Variants in BIRC6 observed in about 807,000 individuals in gnomAD.
BIRC6 encodes the protein baculoviral IAP repeat containing 6.
A neutral mutation model predicts 503.3 loss-of-function variants in BIRC6; 98 were observed. The ratio of observed to expected loss-of-function variants is 0.19; its 90% CI spans 0.17 to 0.23. The LOEUF is 0.23. Ranked by LOEUF, BIRC6 falls within the 10% of genes least tolerant of loss-of-function variation. BIRC6 has a pLI of 1.00. For missense variants in BIRC6, 5,360 were observed against 5,806.0 expected (o/e 0.92, Z 2.50); for synonymous variants, 2,240 against 2,078.7 (o/e 1.08, Z -2.11).
At position 32,471,792 on chromosome 2, in the gene BIRC6, T is replaced by G. The variant is rs543973945; in HGVS notation, c.6592+668T>G. Among the ~76,000 whole-genome samples, 34 of 152,292 alleles carry G rather than the reference T, an allele frequency of 2.2e-4. No homozygotes were observed. The South Asian group carries it at 6.6e-3, about 30-fold the overall frequency. On this transcript the variant is annotated intron_variant, in intron 32 of 73. Transcript: ENST00000421745. Reference sequence around the variant, plus strand: ...CCATTGAGATATGTAAGCCTACATATGCTTACATATGGCTTACATGTAGTA... The same window carrying G: ...CCATTGAGATATGTAAGCCTACATAGGCTTACATATGGCTTACATGTAGTA...
At chr2:32,603,177 C>T in intron 71 of BIRC6, 94 bp downstream of exon 71, 1 of 874,300 alleles carries the variant, frequency 1.1e-6, no homozygotes. Flanking sequence ...ATATAGTAAA[C>T]CTAAAAAAAG....
intron 33 of BIRC6, 31 bp from the exon 34 acceptor site, chr2:32,476,182 A>G: frequency 3.3e-6 from 5 of 1,499,228 alleles, no homozygotes; most frequent in Non-Finnish European, 4.4e-6. Context: ...TAACGTTGTT[A>G]AAGATTAAGT....
At chr2:32,522,954 G>A (rs1299413369) in intron 57 of BIRC6, 1 of 152,170 alleles carries the variant, frequency 6.6e-6, no homozygotes, top group African/African-American at 2.4e-5. Context: ...CAACTAGGTT[G>A]TGCTGAGCTG....
chr2:32,485,932 G>A (rs951312112), intron 40 of BIRC6, among the ~76,000 whole-genome samples, 173 bp downstream of exon 40: 3 of 152,192 alleles, frequency 2.0e-5, no homozygotes, highest in African/African-American at 7.2e-5. Context: ...CTAAGACAAA[G>A]GATTAACAAA....
chr2:32,474,126 G>C (rs928569486), intron 33 of BIRC6, among the ~76,000 whole-genome samples: 3 of 152,020 alleles, frequency 2.0e-5, no homozygotes, highest in Non-Finnish European at 4.4e-5. Context: ...CTGGCATGTT[G>C]TGAAAGCTTT....
intron 65 of BIRC6, among the ~76,000 whole-genome samples, chr2:32,572,240 G>A (rs2059963554): frequency 6.6e-6 from 1 of 152,176 alleles, no homozygotes; most frequent in African/African-American, 2.4e-5. Context: ...AGTCCATTTA[G>A]TCCAAAGTCC....
At chr2:32,543,660 TA>T (rs2057839851) in intron 62 of BIRC6, 119 bp downstream of exon 62, 1 of 978,136 alleles carries the variant, frequency 1.0e-6, no homozygotes, top group African/African-American at 1.6e-5. Context: ...AGATGATTTG[TA>T]AGTGGTAGCT....
In BIRC6 at chr2:32,467,899, T is replaced by A; in HGVS notation, c.5572-4T>A. ...ATATGTATATTTATAATTTTTCATTTCAGATCACTGTTATTGGACGTTACG... is the reference window on the plus strand; with the variant it reads ...ATATGTATATTTATAATTTTTCATTACAGATCACTGTTATTGGACGTTACG... On this transcript the variant is annotated splice_region_variant and splice_polypyrimidine_tract_variant and intron_variant, in intron 27 of 73. Coordinates refer to ENST00000421745, the MANE Select transcript of BIRC6 (RefSeq NM_016252.4). 1 of 1,607,982 alleles carries A rather than the reference T, an allele frequency of 6.2e-7. No homozygotes were observed. Among genetic ancestry groups the A allele is most frequent in the Non-Finnish European group, 8.5e-7 (1 of 1,176,196 alleles).
intron 23 of BIRC6, among the ~76,000 whole-genome samples, chr2:32,462,596 CAA>C (rs2048114009): frequency 6.6e-6 from 1 of 152,140 alleles, no homozygotes; most frequent in Non-Finnish European, 1.5e-5. Context: ...TTCTTACCCT[CAA>C]ATTGTGTAAT....
chr2:32,540,667 T>C (rs2057593707), intron 61 of BIRC6, among the ~76,000 whole-genome samples: 1 of 152,102 alleles, frequency 6.6e-6, no homozygotes, highest in Non-Finnish European at 1.5e-5. Flanking sequence ...GTGACATTTA[T>C]GTAAATATCA....
At position 32,524,389 on chromosome 2, in the gene BIRC6, T is replaced by C. The variant is rs543477987; in HGVS notation, c.11624-499T>C. Among the ~76,000 whole-genome samples, 6 of 152,334 alleles carry C rather than the reference T, an allele frequency of 3.9e-5. No homozygotes were observed. In the South Asian group the frequency reaches 6.2e-4, roughly 16 times the overall value. ...GAAATTTGTTCTTTTATACTTTCATTTGTAATATAAGCAGAAGTCTAGTTT... is the reference window on the plus strand; with the variant it reads ...GAAATTTGTTCTTTTATACTTTCATCTGTAATATAAGCAGAAGTCTAGTTT... On this transcript the variant is annotated intron_variant, in intron 57 of 73. Coordinates refer to ENST00000421745, the MANE Select transcript of BIRC6 (RefSeq NM_016252.4).
Position 32,477,393 on chromosome 2 carries a change from G to A in BIRC6, c.6878G>A (p.Arg2293His). The change falls in exon 35 of 74, where the codon CGT (arginine) becomes CAT (histidine). Residue 2293 changes from arginine to histidine, a missense_variant. Physicochemically the swap from Arg to His is conservative, Grantham distance 29. Around this residue, in one of 16 missense-constraint regions of BIRC6, gnomAD observed 2,299 missense variants for 2,267.2 expected, o/e 1.01. Transcript: ENST00000421745. Reference sequence around the variant, plus strand: ...CACTTTAAGGATTTAATTCGTTTACGTCGGACAGCAGAATGGTCCCGTTCT... The same window carrying A: ...CACTTTAAGGATTTAATTCGTTTACATCGGACAGCAGAATGGTCCCGTTCT... ...SKHFKDLIRL[R>H]RTAEWSRSNL... 7 of 1,613,722 alleles carry A rather than the reference G, an allele frequency of 4.3e-6. No individual in the cohort carries two copies. Among genetic ancestry groups the A allele is most frequent in the Non-Finnish European group, 5.1e-6 (6 of 1,179,840 alleles).
At chr2:32,383,658 A>G (rs2038020347) in intron 3 of BIRC6, among the ~76,000 whole-genome samples, 1 of 152,010 alleles carries the variant, frequency 6.6e-6, no homozygotes, top group Non-Finnish European at 1.5e-5. Flanking sequence ...CAGTCTCCCC[A>G]GTAGCTGGGA....
At chr2:32,519,431 A>G (rs2055399526) in intron 57 of BIRC6, among the ~76,000 whole-genome samples, 1 of 152,216 alleles carries the variant, frequency 6.6e-6, no homozygotes, top group African/African-American at 2.4e-5. Context: ...CCTGTATTTT[A>G]TAGGATGATA....
chr2:32,536,771 A>G (rs1204477073), intron 61 of BIRC6, among the ~76,000 whole-genome samples: 1 of 152,046 alleles, frequency 6.6e-6, no homozygotes, highest in Non-Finnish European at 1.5e-5. Flanking sequence ...TTGACTTAGG[A>G]TTGACTTGGC....
Position 32,509,779 on chromosome 2 carries a change from T to A in BIRC6, c.10022T>A (p.Ile3341Lys). ...LRLLHHCLTH[I>K]SDLEGMMASA... The stretch of plus-strand genomic sequence containing the variant: ...TTATTACATCATTGCCTTACTCACA[T>A]AAGTGATCTAGAAGGAATGATGGCA... The change falls in exon 52 of 74, where the codon ATA becomes AAA. Residue 3341 changes from isoleucine to lysine, a missense_variant. Ile to Lys is a moderately radical substitution (Grantham distance 102, BLOSUM62 -3). Coordinates refer to ENST00000421745, the MANE Select transcript of BIRC6 (RefSeq NM_016252.4). 1 of 1,614,012 alleles carries A rather than the reference T, an allele frequency of 6.2e-7. No homozygotes were observed. The highest frequency in any genetic ancestry group is 8.5e-7 in the Non-Finnish European group (1 of 1,179,864).
intron 21 of BIRC6, 138 bp downstream of exon 21, chr2:32,445,806 C>G: frequency 1.7e-6 from 1 of 573,916 alleles, no homozygotes; most frequent in Non-Finnish European, 2.7e-6. Flanking sequence ...CTTACTTTTT[C>G]CATACGATAA....
Position 32,545,645 on chromosome 2 carries a change from C to T in BIRC6, c.12595C>T (p.His4199Tyr), listed in dbSNP as rs2058008580. Residue 4199 changes from histidine (H) to tyrosine (Y), a missense_variant and splice_region_variant, in exon 63 of 74, where the codon CAT (histidine) becomes TAT (tyrosine). By Grantham distance (83) the His-to-Tyr change is moderately conservative. Transcript: ENST00000421745. ...LGVTDDGEGS[H>Y]ILQSPSANVL... ...GTCCTCTTCTTTCTTCAATCTAGGT[C>T]ATATTCTTCAATCTCCATCAGCCAA... 6.2e-7 allele frequency: 1 copy of T among 1,611,240 alleles called. No homozygotes were observed. Among genetic ancestry groups the T allele is most frequent in the Non-Finnish European group, 8.5e-7 (1 of 1,177,574 alleles).
chr2:32,578,703 C>G (rs560833640), intron 66 of BIRC6, among the ~76,000 whole-genome samples: 2 of 151,542 alleles, frequency 1.3e-5, no homozygotes, highest in East Asian at 3.9e-4. Flanking sequence ...GGCTGAGGCA[C>G]GAGAATCACT....
Sources: allele counts gnomAD v4.1 joint callset (sites outside exome capture counted in the v4.1 genomes callset), GRCh38; gene constraint gnomAD v4.1.1; regional missense constraint gnomAD v4.1.1; transcripts MANE v1.5; gene names NCBI Gene and HGNC (gene_info 2026-07-23, HGNC 2026-07-21).